PREX1: variants seen among roughly 807,000 people sequenced by gnomAD.
PREX1 encodes phosphatidylinositol-3,4,5-trisphosphate dependent Rac exchange factor 1.
Under a neutral mutation model 198.3 loss-of-function variants are expected in PREX1, and 41 were observed. The observed-to-expected ratio is 0.21, with a 90% CI of 0.16 to 0.27. The LOEUF is 0.27. PREX1 is among the 10% of genes least tolerant of loss of function. PREX1 has a pLI of 1.00. For missense variants in PREX1, 1,620 were observed against 2,200.7 expected (o/e 0.74, Z 5.28); for synonymous variants, 843 against 887.2 (o/e 0.95, Z 0.89).
chr20:48,771,970 A>G (rs999575003), intron 1 of PREX1, among the ~76,000 whole-genome samples: 21 of 152,112 alleles, frequency 1.4e-4, no homozygotes, highest in African/African-American at 5.1e-4. Flanking sequence ...GAGGTGGGCG[A>G]ATCACCTGAG....
chr20:48,837,852 G>A, the PREX1 span, among the ~76,000 whole-genome samples: 2 of 145,452 alleles, frequency 1.4e-5, no homozygotes, highest in Non-Finnish European at 3.0e-5. Context: ...GAGACAGAGA[G>A]AAAGAAATTT....
chr20:48,858,881 TTTTTA>T, the PREX1 span, among the ~76,000 whole-genome samples: 2 of 152,130 alleles, frequency 1.3e-5, no homozygotes, highest in African/African-American at 2.4e-5. Context: ...CTTTATTTTA[TTTTTA>T]TTTTATTTTA....
At chr20:48,857,224 G>A in the PREX1 span, among the ~76,000 whole-genome samples, 1 of 152,220 alleles carries the variant, frequency 6.6e-6, no homozygotes, top group South Asian at 2.1e-4. Flanking sequence ...TTCCACAGAT[G>A]AGGAAACTGA....
At chr20:48,631,876 C>T (rs2089316753) in intron 35 of PREX1, among the ~76,000 whole-genome samples, 1 of 152,138 alleles carries the variant, frequency 6.6e-6, no homozygotes, top group Non-Finnish European at 1.5e-5. Context: ...GCAGCCAAGA[C>T]CCTGGGAGCC....
At chr20:48,808,212 G>A (rs539423568) in intron 1 of PREX1, among the ~76,000 whole-genome samples, 26 of 152,196 alleles carry the variant, frequency 1.7e-4, no homozygotes, top group African/African-American at 5.3e-4. Flanking sequence ...GAGCTGGAGC[G>A]GCCCCAAATT....
intron 1 of PREX1, among the ~76,000 whole-genome samples, chr20:48,817,132 C>A (rs1168912783): frequency 6.6e-6 from 1 of 152,188 alleles, no homozygotes; most frequent in South Asian, 2.1e-4. Context: ...AGGGATTTCA[C>A]AGCAGGGCAA....
intron 15 of PREX1, 121 bp from the exon 16 acceptor site, chr20:48,660,182 A>G (rs1409964424): frequency 6.6e-6 from 8 of 1,206,732 alleles, no homozygotes; most frequent in South Asian, 2.7e-5. Context: ...GGCAAACACT[A>G]TTCTATTAAA....
intron 6 of PREX1, among the ~76,000 whole-genome samples, chr20:48,701,881 G>A (rs184495342): frequency 6.6e-6 from 1 of 152,132 alleles, no homozygotes; most frequent in Non-Finnish European, 1.5e-5. Context: ...GCTGGGAAAG[G>A]CATCAGGGAG....
At chr20:48,864,585 C>T in the PREX1 span, among the ~76,000 whole-genome samples, 1 of 152,178 alleles carries the variant, frequency 6.6e-6, no homozygotes, top group South Asian at 2.1e-4. Context: ...GAGGTCACAT[C>T]GCTCATCGAA....
the PREX1 span, among the ~76,000 whole-genome samples, chr20:48,885,368 T>C: frequency 6.6e-6 from 1 of 152,188 alleles, no homozygotes; most frequent in African/African-American, 2.4e-5. Context: ...ATGGGTATAG[T>C]AGAGCTTTGG....
chr20:48,680,686 G>T lies in PREX1; in HGVS notation c.1435+549C>A, dbSNP rs1568820924. Among the ~76,000 whole-genome samples, 3 of 151,356 alleles carry T rather than the reference G, an allele frequency of 2.0e-5. No homozygotes were observed. The South Asian group carries it at 6.3e-4, about 32-fold the overall frequency. On this transcript the variant is annotated intron_variant, in intron 11 of 39. Coordinates refer to ENST00000371941, the MANE Select transcript of PREX1 (RefSeq NM_020820.4). ...GCCCACCTGGGTCCCTCCCTCACTGGTGGCTCAGGTCCTGGTTCCAATGTT... is the reference window on the plus strand; with the variant it reads ...GCCCACCTGGGTCCCTCCCTCACTGTTGGCTCAGGTCCTGGTTCCAATGTT...
rs763411511 is a variant in PREX1 at position 48,642,404 on chromosome 20, T to C, written c.3684+3A>G. ...TGCGCCAGGAGTGGGGCAAAGGTCC[T>C]ACCTGGTTAAAGAGGTGCTCCAGGC... On this transcript the variant is annotated splice_donor_region_variant and intron_variant, in intron 28 of 39. Coordinates refer to ENST00000371941, the MANE Select transcript of PREX1 (RefSeq NM_020820.4). 5.0e-6 allele frequency: 8 copies of C among 1,612,752 alleles called. No homozygotes were observed. Among genetic ancestry groups the C allele is most frequent in the African/African-American group, 4.0e-5 (3 of 74,924 alleles).
intron 13 of PREX1, among the ~76,000 whole-genome samples, chr20:48,678,844 T>G (rs1315169322): frequency 1.3e-5 from 2 of 152,190 alleles, no homozygotes; most frequent in Admixed American, 6.5e-5. Flanking sequence ...TATGTCTTTA[T>G]CAGGAGCATG....
Position 48,726,309 on chromosome 20 carries a change from T to C in PREX1, c.602A>G (p.Lys201Arg). The change falls in exon 5 of 40, where the codon AAG becomes AGG. Residue 201 changes from lysine (K) to arginine (R), a missense_variant. Lys to Arg is a conservative substitution (Grantham distance 26). Transcript: ENST00000371941. ...YLLSPIQRIC[K>R]YPLLLKELAK... ...TCTCACCTTAAGGAGGAGCGGGTACTTGCAGATCCTCTGGATCGGAGACAA... is the reference window on the plus strand; with the variant it reads ...TCTCACCTTAAGGAGGAGCGGGTACCTGCAGATCCTCTGGATCGGAGACAA... 1.2e-6 allele frequency: 2 copies of C among 1,613,862 alleles called. No homozygotes were observed. The highest frequency in any genetic ancestry group is 8.5e-7 in the Non-Finnish European group (1 of 1,179,908).
chr20:48,872,158 C>CAA, the PREX1 span, among the ~76,000 whole-genome samples: 5 of 97,014 alleles, frequency 5.2e-5, no homozygotes, highest in Non-Finnish European at 1.1e-4. Flanking sequence ...GACTCTGTCT[C>CAA]AAAAAAAAAA....
chr20:48,706,240 G>A, intron 6 of PREX1, among the ~76,000 whole-genome samples: 1 of 152,314 alleles, frequency 6.6e-6, no homozygotes, highest in South Asian at 2.1e-4. Context: ...TGCAGCTGCT[G>A]AGGAGCTTGC....
chr20:48,814,404 G>T (rs2090450405), intron 1 of PREX1, among the ~76,000 whole-genome samples: 1 of 152,208 alleles, frequency 6.6e-6, no homozygotes, highest in South Asian at 2.1e-4. Context: ...TAGAGAAAGG[G>T]ACTAGAAGGC....
At chr20:48,639,207 C>T (rs765518985) in intron 30 of PREX1, among the ~76,000 whole-genome samples, 2 of 152,286 alleles carry the variant, frequency 1.3e-5, no homozygotes, top group Non-Finnish European at 2.9e-5. Flanking sequence ...ACAGAGCGGC[C>T]GCCACTCCTC....
the PREX1 span, among the ~76,000 whole-genome samples, chr20:48,858,997 G>T: frequency 1.3e-5 from 2 of 152,128 alleles, no homozygotes; most frequent in African/African-American, 4.8e-5. Flanking sequence ...TTTGGCTCAA[G>T]TGATCCTCCC....
Sources: allele counts gnomAD v4.1 joint callset (sites outside exome capture counted in the v4.1 genomes callset), GRCh38; gene constraint gnomAD v4.1.1; transcripts MANE v1.5; gene names NCBI Gene and HGNC (gene_info 2026-07-23, HGNC 2026-07-21).